Variants in ARHGEF17 observed in about 807,000 individuals in gnomAD.
ARHGEF17 encodes Rho guanine nucleotide exchange factor 17, also known as 164 kDa Rho-specific guanine-nucleotide exchange factor.
ARHGEF17 carries 80 observed loss-of-function variants against 174.0 expected under a neutral mutation model. That is an observed-to-expected ratio of 0.46 (90% CI 0.38 to 0.55). ARHGEF17 has a LOEUF of 0.55. Among genes scored for constraint, ARHGEF17 ranks in the 20% least tolerant of loss-of-function variants. ARHGEF17 has a pLI of 0.00. For synonymous variants in ARHGEF17, 1,311 were observed against 1,189.1 expected (o/e 1.10, Z -2.11); for missense variants, 2,886 against 2,839.7 (o/e 1.02, Z -0.37).
In ARHGEF17 at chr11:73,365,292, G is replaced by A. The variant is rs1865815421; in HGVS notation, c.5551-98G>A. The A allele has an allele frequency of 4.3e-6, 6 of 1,391,854 alleles. No homozygotes were observed. The highest frequency in any genetic ancestry group is 2.2e-4 in the Middle Eastern group (1 of 4,510). 86.2% of individuals were successfully genotyped at this position (1,391,854 alleles called of 1,614,324 possible). A position where few individuals can be genotyped will look rare whatever the true frequency, so the allele number is the denominator to read the frequency against. On this transcript the variant is annotated intron_variant, in intron 18 of 20. Coordinates refer to ENST00000263674, the MANE Select transcript of ARHGEF17 (RefSeq NM_014786.4). This position sits in a 1 kb window ranked among gnomAD's most constrained non-coding sequence, Gnocchi z 4.9. ...AATCAGACCAAGGACCAACGCTAGTGTGAGTTGTGAGGGATGGACACTGGT... is the reference window on the plus strand; with the variant it reads ...AATCAGACCAAGGACCAACGCTAGTATGAGTTGTGAGGGATGGACACTGGT...
At position 73,308,335 on chromosome 11, in the gene ARHGEF17, A is replaced by C; in HGVS notation, c.-304A>C. 2.3e-5 allele frequency: 7 copies of C among 308,100 alleles called. No individual in the cohort carries two copies. Among genetic ancestry groups the C allele is most frequent in the Non-Finnish European group, 3.6e-5 (6 of 168,260 alleles). The allele number at this position is 308,100 out of a possible 1,614,324, so 19.1% of individuals were successfully genotyped here. Reference sequence around the variant, plus strand: ...GGGCAGGCGGACGCAGAGTCGAGGAACCAAGCGCTGGGATCCCGCCCAGGC... The same window carrying C: ...GGGCAGGCGGACGCAGAGTCGAGGACCCAAGCGCTGGGATCCCGCCCAGGC... On this transcript the variant is annotated 5_prime_UTR_variant, in exon 1 of 21. Coordinates refer to ENST00000263674, the MANE Select transcript of ARHGEF17 (RefSeq NM_014786.4).
chr11:73,367,920 C>T lies in ARHGEF17; in HGVS notation c.*140C>T, dbSNP rs117823015. The T allele has an allele frequency of 0.013, 11,558 of 897,672 alleles. 109 individuals are homozygous for T. The highest frequency in any genetic ancestry group is 0.016 in the Non-Finnish European group (9,919 of 616,600). The allele number at this position is 897,672 out of a possible 1,614,324, so 55.6% of individuals were successfully genotyped here. A position where few individuals can be genotyped will look rare whatever the true frequency, so the allele number is the denominator to read the frequency against. On this transcript the variant is annotated 3_prime_UTR_variant, in exon 21 of 21. Transcript: ENST00000263674. Reference sequence around the variant, plus strand: ...CTGCGTGGGCTCTGCCTTGTCTTCGCGGAAGCATTCCTGATGGAACACCCA... The same window carrying T: ...CTGCGTGGGCTCTGCCTTGTCTTCGTGGAAGCATTCCTGATGGAACACCCA...
rs146839471 is a variant in ARHGEF17, at chr11:73,365,420, C to T, written c.5581C>T (p.Arg1861Cys). ...GTTTTACGTGGGTCAGGATTCAAGC[C>T]GCTGCGTGGCTTGCATGGTGGACTC... The part of the protein sequence containing the change: ...HMFYVGQDSS[R>C]CVACMVDSSL... The change falls in exon 19 of 21, where the codon CGC becomes TGC. Residue 1861 changes from arginine to cysteine, a missense_variant. By Grantham distance (180) the Arg-to-Cys change is radical. This residue lies in a region of ARHGEF17 where 329 missense variants were observed against 435.2 expected (regional missense o/e 0.76). Transcript: ENST00000263674. The surrounding 1 kb of genome is among the most constrained non-coding windows in gnomAD (Gnocchi z 4.9). 93 of 1,613,852 alleles carry T rather than the reference C, an allele frequency of 5.8e-5. 1 individual carries two copies. Among genetic ancestry groups the T allele is most frequent in the Admixed American group, 3.3e-4 (20 of 59,998 alleles).
At position 73,358,334 on chromosome 11, in the gene ARHGEF17, A is replaced by G. The variant is rs868101826; in HGVS notation, c.4087+1007A>G. 3.9e-5 allele frequency among the ~76,000 whole-genome samples: 6 copies of G among 152,194 alleles called. No individual in the cohort carries two copies. The Middle Eastern group carries it at 0.014, about 345-fold the overall frequency. ...ACTGCAAGGGGCCTGTGCCTCACAG[A>G]GGGTGCCTTCTATGTGTCCTCACTT... On this transcript the variant is annotated intron_variant, in intron 9 of 20. Coordinates refer to ENST00000263674, the MANE Select transcript of ARHGEF17 (RefSeq NM_014786.4).
intron 1 of ARHGEF17, among the ~76,000 whole-genome samples, chr11:73,313,898 G>A (rs986295475): frequency 2.6e-5 from 4 of 152,182 alleles, no homozygotes; most frequent in African/African-American, 7.2e-5. Context: ...TTCCTCTCTG[G>A]TAGCAGGAAA....
At chr11:73,317,739 C>T (rs1029836857) in intron 1 of ARHGEF17, among the ~76,000 whole-genome samples, 16 of 152,192 alleles carry the variant, frequency 1.1e-4, no homozygotes, top group African/African-American at 3.6e-4. Context: ...CCCAGGGTCT[C>T]TGGGGCATTC....
chr11:73,362,608 G>A lies in ARHGEF17; in HGVS notation c.4870G>A (p.Gly1624Ser), dbSNP rs771106799. The A allele has an allele frequency of 2.5e-6, 4 of 1,611,018 alleles. No individual in the cohort carries two copies. The highest frequency in any genetic ancestry group is 1.1e-5 in the South Asian group (1 of 91,086). Residue 1624 changes from glycine to serine, a missense_variant, in exon 14 of 21, where the codon GGC (glycine) becomes AGC (serine). Coordinates refer to ENST00000263674, the MANE Select transcript of ARHGEF17 (RefSeq NM_014786.4). ...GSGLEMTPGLGEGDPRPELVP... is the reference protein window; with the variant it reads ...GSGLEMTPGLSEGDPRPELVP... Reference sequence around the variant, plus strand: ...GGGCTTGGAGATGACGCCGGGCCTCGGCGAGGGTGACCCCCGCCCAGAGCT... The same window carrying A: ...GGGCTTGGAGATGACGCCGGGCCTCAGCGAGGGTGACCCCCGCCCAGAGCT...
chr11:73,344,517 G>T (rs79347042), intron 1 of ARHGEF17, among the ~76,000 whole-genome samples: 1,735 of 152,336 alleles, frequency 0.011, 28 homozygotes, highest in African/African-American at 0.04. Flanking sequence ...TGCCCGCTGG[G>T]CCTGATGGGC....
At chr11:73,341,941 C>G (rs956447760) in intron 1 of ARHGEF17, among the ~76,000 whole-genome samples, 1 of 152,164 alleles carries the variant, frequency 6.6e-6, no homozygotes, top group African/African-American at 2.4e-5. Flanking sequence ...CAGAGCCCCC[C>G]CATCTTGCTG....
intron 1 of ARHGEF17, among the ~76,000 whole-genome samples, chr11:73,329,319 TTTCATATATATATATA>T (rs1865152739): frequency 1.1e-5 from 1 of 95,056 alleles, no homozygotes; most frequent in Admixed American, 1.3e-4. Context: ...TTTTGAGAGC[TTTCATATATATATATA>T]TATATATATA....
intron 1 of ARHGEF17, among the ~76,000 whole-genome samples, chr11:73,328,336 C>A (rs902156521): frequency 1.3e-5 from 2 of 152,120 alleles, no homozygotes; most frequent in Non-Finnish European, 2.9e-5. Context: ...AGCAGAAATC[C>A]CCACCTTGCT....
At chr11:73,361,879 G>A (rs1448090842) in intron 12 of ARHGEF17, among the ~76,000 whole-genome samples, 161 bp from the exon 13 acceptor site, 2 of 150,090 alleles carry the variant, frequency 1.3e-5, no homozygotes, top group Non-Finnish European at 3.0e-5. Flanking sequence ...GTCCTGTGCC[G>A]CGTGTATGTG....
chr11:73,355,935 C>A lies in ARHGEF17; in HGVS notation c.3645C>A (p.Arg1215=), dbSNP rs750521657. 7 of 1,614,058 alleles carry A rather than the reference C, an allele frequency of 4.3e-6. No homozygotes were observed. Among genetic ancestry groups the A allele is most frequent in the Non-Finnish European group, 4.2e-6 (5 of 1,180,034 alleles). The change falls in exon 5 of 21, where the codon CGC becomes CGA. Residue 1215 remains arginine (R), a synonymous_variant. Transcript: ENST00000263674. ...TCAAGCCTGTGCAGCGGATCCCACG[C>A]TACGAGCTTCTGGTGAAGGTGGGCA... is the stretch of plus-strand genomic sequence containing the variant. The part of the protein sequence containing the change: ...LMIKPVQRIP[R]YELLVKDLLK...
chr11:73,365,307 T>C lies in ARHGEF17; in HGVS notation c.5551-83T>C, dbSNP rs1421835550. ...CAACGCTAGTGTGAGTTGTGAGGGA[T>C]GGACACTGGTGAAGCTCCAGGCTAG... On this transcript the variant is annotated intron_variant, in intron 18 of 20. Transcript: ENST00000263674. The surrounding 1 kb of genome is among the most constrained non-coding windows in gnomAD (Gnocchi z 4.9). 6.6e-7 allele frequency: 1 copy of C among 1,507,052 alleles called. No individual in the cohort carries two copies. Among genetic ancestry groups the C allele is most frequent in the Admixed American group, 1.8e-5 (1 of 56,800 alleles). 93.4% of individuals were successfully genotyped at this position (1,507,052 alleles called of 1,614,324 possible). A position where few individuals can be genotyped will look rare whatever the true frequency, so the allele number is the denominator to read the frequency against.
intron 1 of ARHGEF17, among the ~76,000 whole-genome samples, chr11:73,343,984 C>T (rs1008949892): frequency 1.3e-5 from 2 of 152,180 alleles, no homozygotes; most frequent in Non-Finnish European, 2.9e-5. Context: ...TCTCTGTGTG[C>T]GTGTCTGTCT....
At chr11:73,349,173 G>C (rs1413319731) in intron 2 of ARHGEF17, among the ~76,000 whole-genome samples, 1 of 152,186 alleles carries the variant, frequency 6.6e-6, no homozygotes, top group Non-Finnish European at 1.5e-5. Flanking sequence ...CCATCCCCTA[G>C]ATGAGAGTTG....
chr11:73,351,950 C>T (rs1194501865), intron 2 of ARHGEF17, among the ~76,000 whole-genome samples: 1 of 152,172 alleles, frequency 6.6e-6, no homozygotes, highest in Non-Finnish European at 1.5e-5. Flanking sequence ...GTGGTCTTCG[C>T]GTTTTAATAT....
chr11:73,346,172 C>G (rs1186479802), intron 1 of ARHGEF17, among the ~76,000 whole-genome samples: 1 of 152,100 alleles, frequency 6.6e-6, no homozygotes, highest in East Asian at 1.9e-4. Flanking sequence ...TTTTTCCCCT[C>G]CCTAACATGA....
chr11:73,353,252 A>C (rs1365132201), intron 3 of ARHGEF17: 1 of 578,022 alleles, frequency 1.7e-6, no homozygotes, highest in Non-Finnish European at 3.1e-6. Context: ...CCAGCCAGAC[A>C]CTGACTCTGA....
Sources: allele counts gnomAD v4.1 joint callset (sites outside exome capture counted in the v4.1 genomes callset), GRCh38; gene constraint gnomAD v4.1.1; regional missense constraint gnomAD v4.1.1; non-coding constraint Gnocchi (gnomAD v3.1); transcripts MANE v1.5; gene names NCBI Gene and HGNC (gene_info 2026-07-23, HGNC 2026-07-21).